Variants in SLIT3 observed in about 807,000 individuals in gnomAD.
The protein encoded by SLIT3 is slit guidance ligand 3, also known as slit homolog 3 protein.
SLIT3 carries 68 observed loss-of-function variants against 184.0 expected under a neutral mutation model. The ratio of observed to expected loss-of-function variants is 0.37; its 90% CI spans 0.30 to 0.45. The LOEUF is 0.45. SLIT3 is among the 20% of genes least tolerant of loss of function. The pLI is 1.00. For missense variants in SLIT3, 1,707 were observed against 2,026.0 expected (o/e 0.84, Z 3.02); for synonymous variants, 831 against 828.6 (o/e 1.00, Z -0.05).
chr5:169,112,129 G>A (rs915619998), intron 4 of SLIT3, among the ~76,000 whole-genome samples: 1 of 152,220 alleles, frequency 6.6e-6, no homozygotes, highest in African/African-American at 2.4e-5. Flanking sequence ...TGTTTAGTGT[G>A]GCTTGTTACA....
chr5:168,862,881 G>A (rs187074469), intron 5 of SLIT3, among the ~76,000 whole-genome samples: 129 of 152,228 alleles, frequency 8.5e-4, no homozygotes, highest in African/African-American at 3.0e-3. Context: ...CACCATGTTG[G>A]CTAGGCTGGT....
chr5:169,105,924 G>A (rs1760190444), intron 4 of SLIT3, among the ~76,000 whole-genome samples: 2 of 152,016 alleles, frequency 1.3e-5, no homozygotes, highest in African/African-American at 4.8e-5. Flanking sequence ...ACATACATGT[G>A]CATGTATCTT....
At chr5:168,922,302 A>G (rs936158439) in intron 4 of SLIT3, among the ~76,000 whole-genome samples, 6 of 151,884 alleles carry the variant, frequency 4.0e-5, no homozygotes, top group South Asian at 2.1e-4. Context: ...TTAAAAATAC[A>G]AAAAATTAGC....
intron 11 of SLIT3, among the ~76,000 whole-genome samples, chr5:168,787,963 T>C (rs10475892): frequency 0.15 from 23,292 of 150,638 alleles, 2,026 homozygotes; most frequent in African/African-American, 0.18. Flanking sequence ...ATCTACTGCA[T>C]GAATGAATGA....
At chr5:168,863,955 A>G (rs1759204165) in intron 5 of SLIT3, among the ~76,000 whole-genome samples, 1 of 151,804 alleles carries the variant, frequency 6.6e-6, no homozygotes, top group Non-Finnish European at 1.5e-5. Context: ...GCGGTAGCTC[A>G]TGCCTGTAAT....
At chr5:169,212,469 TG>T (rs1554107728) in intron 3 of SLIT3, among the ~76,000 whole-genome samples, 22 of 74,682 alleles carry the variant, frequency 2.9e-4, no homozygotes, top group East Asian at 2.2e-3. Context: ...TGGGGTTGTA[TG>T]TTTTTTTTTC....
In SLIT3 at chr5:169,300,996, G is replaced by A. The variant is rs1438388133; in HGVS notation, c.-287C>T. ...GCCCCCTGGCCCCGCTGGCCCGCGGGCCGGGTTGGGGACCTGGGGCGAGCG... is the reference window on the plus strand; with the variant it reads ...GCCCCCTGGCCCCGCTGGCCCGCGGACCGGGTTGGGGACCTGGGGCGAGCG... On this transcript the variant is annotated 5_prime_UTR_variant, in exon 1 of 36. Coordinates refer to ENST00000519560, the MANE Select transcript of SLIT3 (RefSeq NM_003062.4). The surrounding 1 kb of genome is among the most constrained non-coding windows in gnomAD (Gnocchi z 4.1). 1.8e-5 allele frequency: 3 copies of A among 163,770 alleles called. No individual in the cohort carries two copies. Among genetic ancestry groups the A allele is most frequent in the African/African-American group, 2.4e-5 (1 of 41,556 alleles). 10.1% of individuals were successfully genotyped at this position (163,770 alleles called of 1,614,324 possible). A position where few individuals can be genotyped will look rare whatever the true frequency, so the allele number is the denominator to read the frequency against.
intron 32 of SLIT3, among the ~76,000 whole-genome samples, chr5:168,673,630 C>G (rs1434901805): frequency 2.0e-5 from 3 of 152,152 alleles, no homozygotes; most frequent in African/African-American, 7.2e-5. Flanking sequence ...CCTTAGATAC[C>G]TCAGTGTGCA....
chr5:169,174,498 T>C (rs924237315), intron 4 of SLIT3, among the ~76,000 whole-genome samples: 1 of 152,166 alleles, frequency 6.6e-6, no homozygotes, highest in African/African-American at 2.4e-5. Context: ...TCTGGTTTTG[T>C]CTTCATCTCT....
In SLIT3 at chr5:169,092,996, G is replaced by A. The variant is rs779593110; in HGVS notation, c.413+100483C>T. On this transcript the variant is annotated intron_variant, in intron 4 of 35. Transcript: ENST00000519560. ...GAGCTTGCTGTGTTTTATCCAGGGC[G>A]GAGTTCTGGAAAACGGTTTTCAATA... Among the ~76,000 whole-genome samples, 14 of 152,282 alleles carry A rather than the reference G, an allele frequency of 9.2e-5. No individual in the cohort carries two copies. In the East Asian group the frequency reaches 1.5e-3, roughly 17 times the overall value.
At chr5:169,262,634 C>T (rs1203233322) in intron 1 of SLIT3, among the ~76,000 whole-genome samples, 1 of 152,156 alleles carries the variant, frequency 6.6e-6, no homozygotes, top group Non-Finnish European at 1.5e-5. Context: ...CATTCCCCTG[C>T]CATCAATCCT....
intron 4 of SLIT3, among the ~76,000 whole-genome samples, chr5:169,059,824 G>A (rs1758120004): frequency 6.6e-6 from 1 of 152,222 alleles, no homozygotes; most frequent in African/African-American, 2.4e-5. Context: ...TGGTCTGAAT[G>A]TTTGAGTTCC....
chr5:168,890,963 C>T (rs914886606), intron 4 of SLIT3, among the ~76,000 whole-genome samples: 1 of 152,198 alleles, frequency 6.6e-6, no homozygotes, highest in Non-Finnish European at 1.5e-5. Flanking sequence ...CCCGGTTCTG[C>T]TACTCAACAT....
At chr5:169,168,973 T>G (rs973390745) in intron 4 of SLIT3, among the ~76,000 whole-genome samples, 1 of 152,198 alleles carries the variant, frequency 6.6e-6, no homozygotes, top group Non-Finnish European at 1.5e-5. Context: ...GGGAGCCTGC[T>G]TAAGAGGCAT....
intron 4 of SLIT3, among the ~76,000 whole-genome samples, chr5:169,165,428 C>T (rs116545238): frequency 6.6e-6 from 1 of 152,216 alleles, no homozygotes; most frequent in Non-Finnish European, 1.5e-5. Context: ...ACAGCAACAA[C>T]TTCACTGCCT....
chr5:168,993,673 G>GA (rs11428012), intron 4 of SLIT3, among the ~76,000 whole-genome samples: 66,611 of 145,040 alleles, frequency 0.46, 15,235 homozygotes, highest in African/African-American at 0.57. Flanking sequence ...AAGTACACAG[G>GA]AAAAAAAAAA....
At chr5:169,150,739 A>G (rs905809415) in intron 4 of SLIT3, among the ~76,000 whole-genome samples, 3 of 152,172 alleles carry the variant, frequency 2.0e-5, no homozygotes, top group Non-Finnish European at 4.4e-5. Context: ...AAGAACTTGA[A>G]CAAGAGTTCA....
At chr5:168,864,725 G>T (rs1444487596) in intron 5 of SLIT3, among the ~76,000 whole-genome samples, 1 of 152,176 alleles carries the variant, frequency 6.6e-6, no homozygotes, top group Non-Finnish European at 1.5e-5. Context: ...TATGCCGTCT[G>T]AAGTCAAGAT....
intron 1 of SLIT3, among the ~76,000 whole-genome samples, chr5:169,288,001 C>A (rs1202344882): frequency 6.6e-6 from 1 of 152,198 alleles, no homozygotes; most frequent in Non-Finnish European, 1.5e-5. Flanking sequence ...AAATTTTATT[C>A]CAAATCCCCC....
Sources: gnomAD v4.1 joint callset for allele counts (sites outside exome capture counted in the v4.1 genomes callset) on GRCh38, gnomAD v4.1.1 for gene constraint, Gnocchi (gnomAD v3.1) non-coding constraint, MANE v1.5 for transcripts, NCBI Gene and HGNC (gene_info 2026-07-23, HGNC 2026-07-21) for gene names.